Variants in CLCN2 observed in about 807,000 individuals in gnomAD.
The protein encoded by CLCN2 is chloride channel protein 2.
Under a neutral mutation model 108.3 loss-of-function variants are expected in CLCN2, and 72 were observed. That is an observed-to-expected ratio of 0.66 (90% CI 0.55 to 0.81). The LOEUF (loss-of-function observed/expected upper bound fraction) is 0.81, where lower values mean the gene tolerates loss of function less well. Among genes scored for constraint, CLCN2 ranks in the 30% least tolerant of loss-of-function variants. CLCN2 has a pLI of 0.00. For synonymous variants in CLCN2, 471 were observed against 467.1 expected (o/e 1.01, Z -0.11); for missense variants, 1,048 against 1,205.2 (o/e 0.87, Z 1.93).
At position 184,358,991 on chromosome 3, in the gene CLCN2, A is replaced by C. The variant is rs1285926179; in HGVS notation, c.204T>G (p.Arg68=). ...APELLEYGRS[R]CARCRVCSVR... ...AGTTCTCACCGCGGCATCGGGCGCA[A>C]CGGCTCCGTCCATATTCCAAGAGCT... Residue 68 remains arginine (R), a synonymous_variant, in exon 2 of 24, where the codon CGT becomes CGG. Transcript: ENST00000265593. 1.9e-6 allele frequency: 3 copies of C among 1,613,532 alleles called. No homozygotes were observed. The East Asian group carries it at 6.7e-5, about 36-fold the overall frequency.
At chr3:184,347,782 G>C (rs1260092755) in intron 22 of CLCN2, 1 of 153,062 alleles carries the variant, frequency 6.5e-6, no homozygotes, top group African/African-American at 2.4e-5. Context: ...TTGCAGTCCA[G>C]GAGGACAACG....
At position 184,359,225 on chromosome 3, in the gene CLCN2, C is replaced by A. The variant is rs1164462555; in HGVS notation, c.64-94G>T. 3.9e-5 allele frequency: 56 copies of A among 1,450,630 alleles called. 1 individual carries two copies. In the Middle Eastern group the frequency reaches 1.4e-3, roughly 36 times the overall value. 89.9% of individuals were successfully genotyped at this position (1,450,630 alleles called of 1,614,324 possible). A position where few individuals can be genotyped will look rare whatever the true frequency, so the allele number is the denominator to read the frequency against. On this transcript the variant is annotated intron_variant, in intron 1 of 23. Transcript: ENST00000265593. ...GAGCCTCCACTCCTCTTCTCCCAGC[C>A]CCCACACTGGATATCCCTCTTGAAC...
chr3:184,352,835 A>AG (rs1446927130), intron 18 of CLCN2, 25 bp from the exon 19 acceptor site: 1 of 1,612,150 alleles, frequency 6.2e-7, no homozygotes, highest in Non-Finnish European at 8.5e-7. Flanking sequence ...ATAAGGCCCC[A>AG]GGGGGCAATG....
In CLCN2 at chr3:184,355,118, C is replaced by G. The variant is rs1243574503; in HGVS notation, c.1327-145G>C. On this transcript the variant is annotated intron_variant, in intron 12 of 23. Transcript: ENST00000265593. The surrounding 1 kb of genome is among the most constrained non-coding windows in gnomAD (Gnocchi z 6.3). Reference sequence around the variant, plus strand: ...GTAACCCTCCTAGCTACCCTGGGACCCCCAGGCCTCCCAGGTGATGGCAAG... The same window carrying G: ...GTAACCCTCCTAGCTACCCTGGGACGCCCAGGCCTCCCAGGTGATGGCAAG... 1 of 845,544 alleles carries G rather than the reference C, an allele frequency of 1.2e-6. No homozygotes were observed. The highest frequency in any genetic ancestry group is 1.9e-6 in the Non-Finnish European group (1 of 514,250). The allele number at this position is 845,544 out of a possible 1,614,324, so 52.4% of individuals were successfully genotyped here. A position where few individuals can be genotyped will look rare whatever the true frequency, so the allele number is the denominator to read the frequency against.
chr3:184,361,597 G>A lies in CLCN2; in HGVS notation c.-118C>T. The A allele has an allele frequency of 3.0e-6, 3 of 997,266 alleles. No individual in the cohort carries two copies. The highest frequency in any genetic ancestry group is 4.1e-6 in the Non-Finnish European group (3 of 731,646). The allele number at this position is 997,266 out of a possible 1,614,324, so 61.8% of individuals were successfully genotyped here. The stretch of plus-strand genomic sequence containing the variant: ...GTCCCCGCAGCCCGGGAGGCCGAGA[G>A]CAGAGTGCGGCGGGCCCCCGGCGGG... On this transcript the variant is annotated 5_prime_UTR_variant, in exon 1 of 24. Transcript: ENST00000265593. This position sits in a 1 kb window ranked among gnomAD's most constrained non-coding sequence, Gnocchi z 6.6.
At position 184,355,100 on chromosome 3, in the gene CLCN2, T is replaced by C. The variant is rs1237649304; in HGVS notation, c.1327-127A>G. 3.1e-6 allele frequency: 3 copies of C among 955,488 alleles called. No homozygotes were observed. Among genetic ancestry groups the C allele is most frequent in the Non-Finnish European group, 4.9e-6 (3 of 608,086 alleles). 59.2% of individuals were successfully genotyped at this position (955,488 alleles called of 1,614,324 possible). ...AACCCTCCCAGCCACCCCGTAACCCTCCTAGCTACCCTGGGACCCCCAGGC... is the reference window on the plus strand; with the variant it reads ...AACCCTCCCAGCCACCCCGTAACCCCCCTAGCTACCCTGGGACCCCCAGGC... On this transcript the variant is annotated intron_variant, in intron 12 of 23. Transcript: ENST00000265593. The surrounding 1 kb of genome is among the most constrained non-coding windows in gnomAD (Gnocchi z 6.3).
At position 184,359,122 on chromosome 3, in the gene CLCN2, G is replaced by A. The variant is rs1378624035; in HGVS notation, c.73C>T (p.Arg25Trp). The change falls in exon 2 of 24, where the codon CGG becomes TGG. Residue 25 changes from arginine (R) to tryptophan (W), a missense_variant. Coordinates refer to ENST00000265593, the MANE Select transcript of CLCN2 (RefSeq NM_004366.6). ...AAGGCCCCAAGGTCCTGAGTGTACC[G>A]GCCATACATCTGGAGCAACAGAGGG... Reference protein sequence around the residue: ...LQYEQTLMYGRYTQDLGAFAK... With the variant: ...LQYEQTLMYGWYTQDLGAFAK... 7 of 1,613,604 alleles carry A rather than the reference G, an allele frequency of 4.3e-6. No homozygotes were observed. The highest frequency in any genetic ancestry group is 3.3e-5 in the Admixed American group (2 of 60,014).
chr3:184,358,875 G>A, intron 2 of CLCN2, 62 bp from the exon 3 acceptor site: 1 of 1,613,270 alleles, frequency 6.2e-7, no homozygotes, highest in Non-Finnish European at 8.5e-7. Flanking sequence ...CCCTTTTACT[G>A]CCCCCTCAAC....
intron 1 of CLCN2, 94 bp from the exon 2 acceptor site, chr3:184,359,225 C>T: frequency 6.9e-7 from 1 of 1,450,632 alleles, no homozygotes. Flanking sequence ...TTCTCCCAGC[C>T]CCCACACTGG....
Position 184,352,084 on chromosome 3 carries a change from G to A in CLCN2, c.2344C>T (p.Pro782Ser), listed in dbSNP as rs1384997446. 5 of 1,613,928 alleles carry A rather than the reference G, an allele frequency of 3.1e-6. No individual in the cohort carries two copies. The highest frequency in any genetic ancestry group is 4.2e-6 in the Non-Finnish European group (5 of 1,179,946). The change falls in exon 22 of 24, where the codon CCT becomes TCT. Residue 782 changes from proline (P) to serine (S), a missense_variant. Pro to Ser is a moderately conservative substitution (Grantham distance 74). Transcript: ENST00000265593. ...LEWEEQQLDE[P>S]VNFSDCKIDP... ...ATTTTGCAGTCACTGAAGTTGACAG[G>A]TTCATCTAGTTGCTGCTCCTCCCAC...
At chr3:184,360,209 T>C (rs73189632) in intron 1 of CLCN2, among the ~76,000 whole-genome samples, 34,501 of 142,686 alleles carry the variant, frequency 0.24, 4,644 homozygotes, top group Middle Eastern at 0.39. Context: ...AGGAGGGAGG[T>C]GAGAGTGGGA....
Position 184,352,079 on chromosome 3 carries a change from G to A in CLCN2, c.2349C>T (p.Val783=). ...GATCAATTTTGCAGTCACTGAAGTT[G>A]ACAGGTTCATCTAGTTGCTGCTCCT... ...EWEEQQLDEP[V]NFSDCKIDPA... is the part of the protein sequence containing the mutation. Residue 783 remains valine, a synonymous_variant, in exon 22 of 24, where the codon GTC becomes GTT. Transcript: ENST00000265593. 3.1e-6 allele frequency: 5 copies of A among 1,613,920 alleles called. No individual in the cohort carries two copies. Among genetic ancestry groups the A allele is most frequent in the Non-Finnish European group, 4.2e-6 (5 of 1,179,966 alleles).
Position 184,355,707 on chromosome 3 carries a change from A to G in CLCN2, c.1157T>C (p.Phe386Ser). The change falls in exon 11 of 24, where the codon TTC becomes TCC. Residue 386 changes from phenylalanine (F) to serine (S), a missense_variant. Physicochemically the swap from Phe to Ser is radical, Grantham distance 155 (BLOSUM62 -2). Coordinates refer to ENST00000265593, the MANE Select transcript of CLCN2 (RefSeq NM_004366.6). This position sits in a 1 kb window ranked among gnomAD's most constrained non-coding sequence, Gnocchi z 6.3. Reference protein sequence around the residue: ...TLTFPPGFGQFMAGQLSQKET... With the variant: ...TLTFPPGFGQSMAGQLSQKET... Reference sequence around the variant, plus strand: ...GCCTGTGGTTACCTGTCCAGCCATGAACTGTCCAAAGCCAGGGGGGAAGGT... The same window carrying G: ...GCCTGTGGTTACCTGTCCAGCCATGGACTGTCCAAAGCCAGGGGGGAAGGT... 6.2e-7 allele frequency: 1 copy of G among 1,614,182 alleles called. No individual in the cohort carries two copies. The highest frequency in any genetic ancestry group is 8.5e-7 in the Non-Finnish European group (1 of 1,180,028).
chr3:184,358,627 G>C (rs1286824647), intron 3 of CLCN2, 55 bp downstream of exon 3: 9 of 1,547,328 alleles, frequency 5.8e-6, no homozygotes, highest in African/African-American at 1.4e-5. Context: ...GACGAGTGTG[G>C]CATGGACGCA....
rs2108583263 is a variant in CLCN2 at position 184,361,543 on chromosome 3, C to T, written c.-64G>A. On this transcript the variant is annotated 5_prime_UTR_variant, in exon 1 of 24. Transcript: ENST00000265593. The surrounding 1 kb of genome is among the most constrained non-coding windows in gnomAD (Gnocchi z 6.6). ...GCTCTGTCCTGGACTCGGCTCCCGG[C>T]CCGCAAAGTCCGCGCCGGCAGCCGT... 1 of 1,565,952 alleles carries T rather than the reference C, an allele frequency of 6.4e-7. No homozygotes were observed. The highest frequency in any genetic ancestry group is 8.7e-7 in the Non-Finnish European group (1 of 1,150,380).
At chr3:184,358,895 TC>T in intron 2 of CLCN2, 79 bp downstream of exon 2, 1 of 1,613,070 alleles carries the variant, frequency 6.2e-7, no homozygotes, top group Non-Finnish European at 8.5e-7. Flanking sequence ...CTGTCCCCTC[TC>T]CCCCATCAGC....
chr3:184,357,316 T>C (rs775056391), intron 8 of CLCN2, 46 bp downstream of exon 8: 1 of 1,613,838 alleles, frequency 6.2e-7, no homozygotes, highest in African/African-American at 1.3e-5. Context: ...GTGGGCCCCC[T>C]ACCTGGCACC....
At chr3:184,356,924 C>T in intron 10 of CLCN2, 69 bp downstream of exon 10, 2 of 1,103,346 alleles carry the variant, frequency 1.8e-6, no homozygotes, top group Non-Finnish European at 2.8e-6. Flanking sequence ...CTCCCCATCA[C>T]TGTCCCCTGA....
chr3:184,346,983 A>C lies in CLCN2; in HGVS notation c.2454T>G (p.Ala818=). ...TGAGTCTGCCAATACTGGTGACATA[A>C]GCATGGTCCACTCCCAGCAGTGAGA... ...TIFSLLGVDH[A]YVTSIGRLIG... is the part of the protein sequence containing the mutation. The change falls in exon 23 of 24, where the codon GCT becomes GCG. Residue 818 remains alanine (A), a synonymous_variant. Transcript: ENST00000265593. The surrounding 1 kb of genome is among the most constrained non-coding windows in gnomAD (Gnocchi z 6.0). The C allele has an allele frequency of 1.2e-6, 2 of 1,614,150 alleles. No homozygotes were observed. Among genetic ancestry groups the C allele is most frequent in the Non-Finnish European group, 1.7e-6 (2 of 1,179,998 alleles).
Sources: allele counts gnomAD v4.1 joint callset (sites outside exome capture counted in the v4.1 genomes callset), GRCh38; gene constraint gnomAD v4.1.1; non-coding constraint Gnocchi (gnomAD v3.1); transcripts MANE v1.5; gene names NCBI Gene and HGNC (gene_info 2026-07-23, HGNC 2026-07-21).